Variants in ADGRL2 observed in about 807,000 individuals in gnomAD.
ADGRL2 encodes the protein calcium-independent alpha-latrotoxin receptor 2.
Under a neutral mutation model 157.4 loss-of-function variants are expected in ADGRL2, and 44 were observed. The ratio of observed to expected loss-of-function variants is 0.28; its 90% confidence interval spans 0.22 to 0.36. The LOEUF (loss-of-function observed/expected upper bound fraction) is 0.36, where lower values mean the gene tolerates loss of function less well. ADGRL2 is among the 10% of genes least tolerant of loss of function. The pLI is 1.00. For synonymous variants in ADGRL2, 585 were observed against 624.7 expected (o/e 0.94, Z 0.95); for missense variants, 1,510 against 1,768.9 (o/e 0.85, Z 2.63).
intron 1 of ADGRL2, among the ~76,000 whole-genome samples, chr1:81,411,478 G>A (rs115515880): frequency 0.012 from 1,848 of 152,250 alleles, 35 homozygotes; most frequent in African/African-American, 0.043. Context: ...AGAAACTGAG[G>A]CACAGGCATT....
At chr1:81,683,788 T>G (rs185509820) in intron 3 of ADGRL2, among the ~76,000 whole-genome samples, 84 of 152,018 alleles carry the variant, frequency 5.5e-4, no homozygotes, top group Non-Finnish European at 1.0e-3. Flanking sequence ...ATAAACACGC[T>G]TGTGCAAGTG....
chr1:81,714,053 C>T (rs1183600904), intron 1 of ADGRL2, among the ~76,000 whole-genome samples: 1 of 152,128 alleles, frequency 6.6e-6, no homozygotes, highest in Admixed American at 6.5e-5. Context: ...CTTTATAAAA[C>T]CATCAGATCT....
chr1:81,949,288 C>T (rs902042076), intron 6 of ADGRL2, among the ~76,000 whole-genome samples: 4 of 152,096 alleles, frequency 2.6e-5, no homozygotes, highest in African/African-American at 9.7e-5. Flanking sequence ...TAAATTAATT[C>T]AGTGGTAATT....
chr1:81,829,354 C>T (rs1251662116), intron 1 of ADGRL2, among the ~76,000 whole-genome samples: 1 of 152,124 alleles, frequency 6.6e-6, no homozygotes, highest in Admixed American at 6.6e-5. Flanking sequence ...TTGGTATATT[C>T]CTTTTCTGTA....
chr1:81,799,937 C>A (rs935436635), upstream of ADGRL2, among the ~76,000 whole-genome samples: 1 of 152,070 alleles, frequency 6.6e-6, no homozygotes, highest in African/African-American at 2.4e-5. Flanking sequence ...GGACACTTAA[C>A]TGGCTTTTAA....
chr1:81,464,495 T>A (rs1157361440), intron 2 of ADGRL2, among the ~76,000 whole-genome samples: 2 of 152,140 alleles, frequency 1.3e-5, no homozygotes, highest in African/African-American at 4.8e-5. Flanking sequence ...TTAATGAACT[T>A]CCAGTCGTTA....
chr1:81,860,882 A>G (rs1342661648), intron 2 of ADGRL2, among the ~76,000 whole-genome samples: 1 of 152,078 alleles, frequency 6.6e-6, no homozygotes, highest in African/African-American at 2.4e-5. Flanking sequence ...ATTTTATCTT[A>G]TGAAACTACT....
chr1:81,410,038 T>G (rs539297016), intron 1 of ADGRL2, among the ~76,000 whole-genome samples: 9 of 152,306 alleles, frequency 5.9e-5, no homozygotes, highest in Admixed American at 5.2e-4. Flanking sequence ...ACTCTGAATA[T>G]CAGCACGTTC....
chr1:81,754,759 A>G (rs2085625637), intron 1 of ADGRL2, among the ~76,000 whole-genome samples: 1 of 147,766 alleles, frequency 6.8e-6, no homozygotes, highest in African/African-American at 2.5e-5. Context: ...TAGTAGGTTC[A>G]ACATGCAACT....
Position 81,966,483 on chromosome 1 carries a change from T to C in ADGRL2, c.2223T>C (p.Gly741=). 1.9e-6 allele frequency: 3 copies of C among 1,613,986 alleles called. No homozygotes were observed. Among genetic ancestry groups the C allele is most frequent in the Non-Finnish European group, 2.5e-6 (3 of 1,179,938 alleles). ...CAGAAAATGCAACCATTAAACTGGG[T>C]GCTGATTTTATTGGTCGTAATAGCA... ...LSTENATIKL[G]ADFIGRNSTI... is the part of the protein sequence containing the mutation. Residue 741 remains glycine (G), a synonymous_variant, in exon 13 of 24, where the codon GGT becomes GGC. Coordinates refer to ENST00000686636, the MANE Select transcript of ADGRL2 (RefSeq NM_001366006.2).
At chr1:81,516,396 C>T (rs983801044) in intron 2 of ADGRL2, among the ~76,000 whole-genome samples, 5 of 152,078 alleles carry the variant, frequency 3.3e-5, no homozygotes, top group Non-Finnish European at 7.3e-5. Flanking sequence ...CTCAAATGCA[C>T]GTCTTGTTCC....
At chr1:81,918,743 T>A (rs2094915246) in intron 3 of ADGRL2, among the ~76,000 whole-genome samples, 1 of 152,178 alleles carries the variant, frequency 6.6e-6, no homozygotes, top group African/African-American at 2.4e-5. Context: ...CTGAAATTTT[T>A]ACATGAAGAG....
chr1:81,664,344 A>T (rs1445919934), intron 3 of ADGRL2, among the ~76,000 whole-genome samples: 1 of 152,162 alleles, frequency 6.6e-6, no homozygotes, highest in Non-Finnish European at 1.5e-5. Flanking sequence ...GGATGTTAAG[A>T]TCTGCATGCA....
intron 1 of ADGRL2, among the ~76,000 whole-genome samples, chr1:81,712,116 T>A (rs900320036): frequency 2.6e-5 from 4 of 152,178 alleles, no homozygotes; most frequent in Non-Finnish European, 5.9e-5. Flanking sequence ...TAAAGACATC[T>A]CAACCATATG....
At chr1:81,925,267 T>C (rs1388021317) in intron 3 of ADGRL2, among the ~76,000 whole-genome samples, 1 of 152,092 alleles carries the variant, frequency 6.6e-6, no homozygotes, top group Non-Finnish European at 1.5e-5. Context: ...CAACATTAAC[T>C]TATTAATTCA....
chr1:81,618,306 T>A (rs1001744034), intron 3 of ADGRL2, among the ~76,000 whole-genome samples: 1 of 152,168 alleles, frequency 6.6e-6, no homozygotes, highest in Non-Finnish European at 1.5e-5. Flanking sequence ...TGTGGGTGTA[T>A]TGCACCTGAA....
chr1:81,824,945 T>TATC, intron 1 of ADGRL2, among the ~76,000 whole-genome samples: 1 of 67,472 alleles, frequency 1.5e-5, no homozygotes, highest in Non-Finnish European at 2.9e-5. Flanking sequence ...GCTTTTTAAT[T>TATC]CTCCTCTCTC....
chr1:81,988,011 T>C, intron 23 of ADGRL2, 125 bp downstream of exon 23: 1 of 214,766 alleles, frequency 4.7e-6, no homozygotes. Flanking sequence ...GTTCACAATT[T>C]GCAACTAAAA....
chr1:81,938,372 C>T (rs967880070), intron 4 of ADGRL2, among the ~76,000 whole-genome samples: 5 of 151,670 alleles, frequency 3.3e-5, no homozygotes, highest in African/African-American at 1.2e-4. Context: ...GTAACCTAGT[C>T]TATAGACCAA....
Sources: allele counts gnomAD v4.1 joint callset (sites outside exome capture counted in the v4.1 genomes callset), GRCh38; gene constraint gnomAD v4.1.1; transcripts MANE v1.5; gene names NCBI Gene and HGNC (gene_info 2026-07-23, HGNC 2026-07-21).